The following HNRNPD variants were observed in gnomAD, a reference collection of about 807,000 sequenced individuals.
HNRNPD encodes the protein heterogeneous nuclear ribonucleoprotein D, also known as heterogeneous nuclear ribonucleoprotein D0.
A neutral mutation model predicts 47.9 loss-of-function variants in HNRNPD; 3 were observed. The observed-to-expected ratio is 0.06, with a 90% confidence interval of 0.03 to 0.16. HNRNPD has a LOEUF of 0.16. Among genes scored for constraint, HNRNPD ranks in the 10% least tolerant of loss-of-function variants. The pLI, the probability that HNRNPD is intolerant of heterozygous loss-of-function variation, is 1.00. For missense variants in HNRNPD, 287 were observed against 454.2 expected, an observed-to-expected ratio of 0.63 and a Z score of 3.35; for synonymous variants, 171 against 165.1, an observed-to-expected ratio of 1.04 and a Z score of -0.28.
At chr4:82,355,110 C>A in intron 8 of HNRNPD, 194 bp downstream of exon 8, 2 of 571,154 alleles carry the variant, frequency 3.5e-6, no homozygotes, top group Non-Finnish European at 6.1e-6. Context: ...ACTTTACTGA[C>A]TTGTTAATAA....
intron 8 of HNRNPD, chr4:82,354,809 A>T (rs1423639890): frequency 6.5e-6 from 1 of 152,996 alleles, no homozygotes; most frequent in Non-Finnish European, 1.5e-5. Flanking sequence ...AATAGTTTTT[A>T]AAAAGCAAAG....
chr4:82,362,484 A>T (rs919770115), intron 2 of HNRNPD, among the ~76,000 whole-genome samples: 34 of 75,862 alleles, frequency 4.5e-4, no homozygotes, highest in African/African-American at 1.5e-3. Context: ...CTTAGGCTTT[A>T]AAAAAAAAAA....
In HNRNPD at chr4:82,357,471, T is replaced by C. The variant is rs377338307; in HGVS notation, c.622-27A>G. ...TGGTATTAAAAAACAAATTTTAATATGCTAACATGCATTTTATTGACCTTA... is the reference window on the plus strand; with the variant it reads ...TGGTATTAAAAAACAAATTTTAATACGCTAACATGCATTTTATTGACCTTA... On this transcript the variant is annotated intron_variant, in intron 4 of 8. Coordinates refer to ENST00000313899, the MANE Select transcript of HNRNPD (RefSeq NM_031370.3). 1.5e-4 allele frequency: 243 copies of C among 1,574,800 alleles called. 1 individual carries two copies. The African/African-American group carries it at 2.4e-3, about 16-fold the overall frequency.
At position 82,373,543 on chromosome 4, in the gene HNRNPD, C is replaced by T. The variant is rs1275357440; in HGVS notation, c.136G>A (p.Gly46Arg). 6.5e-7 allele frequency: 1 copy of T among 1,540,982 alleles called. No homozygotes were observed. Among genetic ancestry groups the T allele is most frequent in the Non-Finnish European group, 8.7e-7 (1 of 1,143,282 alleles). The part of the protein sequence containing the change: ...GAAAAAGSGA[G>R]TGGGTASGGT... ...CCAGACGCGGTTCCGCCCCCGGTCC[C>T]GGCTCCGCTTCCCGCCGCCGCCGCT... The change falls in exon 1 of 9, where the codon GGG becomes AGG. Residue 46 changes from glycine (G) to arginine (R), a missense_variant. Transcript: ENST00000313899.
intron 3 of HNRNPD, among the ~76,000 whole-genome samples, chr4:82,359,067 T>TACA (rs1723850326): frequency 6.6e-6 from 1 of 152,118 alleles, no homozygotes; most frequent in Admixed American, 6.5e-5. Flanking sequence ...CTTCAATATA[T>TACA]ACAAACATGA....
chr4:82,359,254 A>AAT (rs1723865618), intron 3 of HNRNPD, among the ~76,000 whole-genome samples: 1 of 152,176 alleles, frequency 6.6e-6, no homozygotes, highest in Admixed American at 6.5e-5. Context: ...AGTATCTTTA[A>AAT]AGTTAATTTC....
chr4:82,363,961 T>C (rs1159031882), intron 2 of HNRNPD, among the ~76,000 whole-genome samples: 1 of 152,176 alleles, frequency 6.6e-6, no homozygotes, highest in East Asian at 1.9e-4. Flanking sequence ...AAAGACAAAA[T>C]GCCGGGGTTT....
intron 2 of HNRNPD, among the ~76,000 whole-genome samples, chr4:82,361,376 C>T (rs1025841643): frequency 6.6e-6 from 1 of 152,150 alleles, no homozygotes; most frequent in Non-Finnish European, 1.5e-5. Context: ...AAGCAATGAC[C>T]TCTTGCTAAG....
chr4:82,373,932 G>C lies in HNRNPD; in HGVS notation c.-254C>G. 1 of 836,118 alleles carries C rather than the reference G, an allele frequency of 1.2e-6. No homozygotes were observed. Among genetic ancestry groups the C allele is most frequent in the South Asian group, 2.1e-5 (1 of 48,512 alleles). The allele number at this position is 836,118 out of a possible 1,614,324, so 51.8% of individuals were successfully genotyped here. Reference sequence around the variant, plus strand: ...TAAAAAAGAATAAGCACCAGCGGCGGCCGCTCTCGCCTCCTCCTCGCTTTA... The same window carrying C: ...TAAAAAAGAATAAGCACCAGCGGCGCCCGCTCTCGCCTCCTCCTCGCTTTA... On this transcript the variant is annotated 5_prime_UTR_variant, in exon 1 of 9. Transcript: ENST00000313899.
chr4:82,355,304 CT>C lies in HNRNPD; in HGVS notation c.*29del. On this transcript the variant is annotated splice_region_variant and 3_prime_UTR_variant, in exon 8 of 9. Transcript: ENST00000313899. Reference sequence around the variant, plus strand: ...AAAAAAAACTATTTTTAGAACATACCTGTTGGGGATAAGTTGCAAATGGAAT... The same window carrying C: ...AAAAAAAACTATTTTTAGAACATACCGTTGGGGATAAGTTGCAAATGGAAT... The C allele has an allele frequency of 5.9e-6, 9 of 1,531,086 alleles. No homozygotes were observed. The highest frequency in any genetic ancestry group is 1.4e-5 in the African/African-American group (1 of 73,110). 94.8% of individuals were successfully genotyped at this position (1,531,086 alleles called of 1,614,324 possible).
At chr4:82,365,647 C>T (rs1218488348) in intron 2 of HNRNPD, among the ~76,000 whole-genome samples, 1 of 152,096 alleles carries the variant, frequency 6.6e-6, no homozygotes, top group Non-Finnish European at 1.5e-5. Context: ...GCTCTATTGC[C>T]AGGCTGTGGT....
At chr4:82,368,938 T>C (rs1242364356) in intron 2 of HNRNPD, among the ~76,000 whole-genome samples, 2 of 152,174 alleles carry the variant, frequency 1.3e-5, no homozygotes, top group African/African-American at 4.8e-5. Flanking sequence ...CATTATACAC[T>C]AACCATTAAC....
At position 82,373,728 on chromosome 4, in the gene HNRNPD, C is replaced by T. The variant is rs1413119320; in HGVS notation, c.-50G>A. On this transcript the variant is annotated 5_prime_UTR_variant, in exon 1 of 9. Transcript: ENST00000313899. ...GCCGAGACTACACCCGCCGCTGCCG[C>T]GAACCGAAACTAGCAGCAAAGTAAT... 1 of 1,529,008 alleles carries T rather than the reference C, an allele frequency of 6.5e-7. No homozygotes were observed. Among genetic ancestry groups the T allele is most frequent in the Non-Finnish European group, 8.7e-7 (1 of 1,144,736 alleles). 94.7% of individuals were successfully genotyped at this position (1,529,008 alleles called of 1,614,324 possible).
Position 82,366,778 on chromosome 4 carries a change from C to T in HNRNPD, c.290+4750G>A, listed in dbSNP as rs537483852. On this transcript the variant is annotated intron_variant, in intron 2 of 8. Transcript: ENST00000313899. ...GTTTCGCCATGTTGGCCAGGCTGGT[C>T]TCCAATTCCTGACCTTAGGTGATCC... Among the ~76,000 whole-genome samples the T allele has an allele frequency of 1.7e-4, 26 of 151,662 alleles. No homozygotes were observed. The South Asian group carries it at 3.5e-3, about 21-fold the overall frequency.
intron 1 of HNRNPD, among the ~76,000 whole-genome samples, chr4:82,372,529 G>C (rs974463969): frequency 6.6e-6 from 1 of 152,134 alleles, no homozygotes; most frequent in African/African-American, 2.4e-5. Flanking sequence ...AAAAAAAGGG[G>C]GCTGGGGGTT....
In HNRNPD at chr4:82,373,523, C is replaced by T; in HGVS notation, c.156G>A (p.Ala52=). ...CGCTGCCCCCTTCGGTGCCTCCAGA[C>T]GCGGTTCCGCCCCCGGTCCCGGCTC... ...GSGAGTGGGT[A]SGGTEGGSAE... is the part of the protein sequence containing the mutation. The change falls in exon 1 of 9, where the codon GCG becomes GCA. Residue 52 remains alanine (A), a synonymous_variant. Coordinates refer to ENST00000313899, the MANE Select transcript of HNRNPD (RefSeq NM_031370.3). 6.5e-7 allele frequency: 1 copy of T among 1,544,372 alleles called. No individual in the cohort carries two copies. Among genetic ancestry groups the T allele is most frequent in the Non-Finnish European group, 8.7e-7 (1 of 1,144,334 alleles).
chr4:82,361,850 G>A lies in HNRNPD; in HGVS notation c.291-2211C>T, dbSNP rs116300185. On this transcript the variant is annotated intron_variant, in intron 2 of 8. Transcript: ENST00000313899. The stretch of plus-strand genomic sequence containing the variant: ...AAACGTACTCCCCACCTTTAGTATG[G>A]TAGTTGTTTAATATGCCTACCTTAG... 8.6e-3 allele frequency among the ~76,000 whole-genome samples: 1,302 copies of A among 152,204 alleles called. 15 individuals carry two copies. The highest frequency in any genetic ancestry group is 0.03 in the African/African-American group (1,259 of 41,512).
Position 82,373,566 on chromosome 4 carries a change from G to A in HNRNPD, c.113C>T (p.Ala38Val), listed in dbSNP as rs772609872. 11 of 1,537,442 alleles carry A rather than the reference G, an allele frequency of 7.2e-6. No individual in the cohort carries two copies. Among genetic ancestry groups the A allele is most frequent in the Admixed American group, 2.0e-5 (1 of 50,256 alleles). ...CCCGGCTCCGCTTCCCGCCGCCGCC[G>A]CTGCCCCCTGTGTCGCCGCCACCAT... ...GAMVAATQGAAAAAGSGAGTG... is the reference protein window; with the variant it reads ...GAMVAATQGAVAAAGSGAGTG... Residue 38 changes from alanine (A) to valine (V), a missense_variant, in exon 1 of 9, where the codon GCG becomes GTG. Transcript: ENST00000313899.
intron 2 of HNRNPD, 59 bp from the exon 3 acceptor site, chr4:82,359,698 A>G (rs906573415): frequency 1.8e-6 from 2 of 1,111,026 alleles, no homozygotes; most frequent in Admixed American, 2.2e-5. Flanking sequence ...AATATTATCC[A>G]CATCAATAAC....
Sources: allele counts gnomAD v4.1 joint callset (sites outside exome capture counted in the v4.1 genomes callset), GRCh38; gene constraint gnomAD v4.1.1; transcripts MANE v1.5; gene names NCBI Gene and HGNC (gene_info 2026-07-23, HGNC 2026-07-21).